Variants in MEI4 observed in about 807,000 individuals in gnomAD.
MEI4 encodes the protein meiosis-specific protein MEI4.
A neutral mutation model predicts 31.4 loss-of-function variants in MEI4; 27 were observed. That is an observed-to-expected ratio of 0.86 (90% CI 0.63 to 1.19). MEI4 has a LOEUF of 1.19. Ranked by LOEUF, MEI4 falls within the 50% of genes most tolerant of loss-of-function variation. The pLI is 0.00. For synonymous variants in MEI4, 122 were observed against 145.4 expected (o/e 0.84, Z 1.16); for missense variants, 329 against 398.9 (o/e 0.82, Z 1.49).
Position 77,692,184 on chromosome 6 carries a change from G to C in MEI4, c.232+1281G>C, listed in dbSNP as rs115449855. On this transcript the variant is annotated intron_variant, in intron 2 of 4. Coordinates refer to ENST00000684080, the MANE Select transcript of MEI4 (RefSeq NM_001322247.2). Reference sequence around the variant, plus strand: ...TTCTTCTCTTTGACTCTTTGAGGCTGGTTTCTTCTCTTCCTTTGGTCTTAT... The same window carrying C: ...TTCTTCTCTTTGACTCTTTGAGGCTCGTTTCTTCTCTTCCTTTGGTCTTAT... Among the ~76,000 whole-genome samples, 1,050 of 152,010 alleles carry C rather than the reference G, an allele frequency of 6.9e-3. 13 individuals carry two copies. The highest frequency in any genetic ancestry group is 0.024 in the African/African-American group (990 of 41,456).
At chr6:77,818,693 C>A (rs1482122129) in intron 3 of MEI4, among the ~76,000 whole-genome samples, 1 of 151,912 alleles carries the variant, frequency 6.6e-6, no homozygotes, top group Non-Finnish European at 1.5e-5. Context: ...CCTAATTTTA[C>A]CTATTCGTAC....
chr6:77,759,411 A>G (rs1767994961), intron 2 of MEI4, among the ~76,000 whole-genome samples: 1 of 152,172 alleles, frequency 6.6e-6, no homozygotes, highest in South Asian at 2.1e-4. Flanking sequence ...TTTTCAGTCT[A>G]GACCTTCTCC....
intron 4 of MEI4, among the ~76,000 whole-genome samples, chr6:77,912,218 G>A (rs747935482): frequency 1.3e-5 from 2 of 151,896 alleles, no homozygotes; most frequent in African/African-American, 2.4e-5. Flanking sequence ...ATATTGTTTT[G>A]ATTACTTAAT....
chr6:77,662,187 G>C (rs1035497330), intron 1 of MEI4, among the ~76,000 whole-genome samples: 1 of 152,192 alleles, frequency 6.6e-6, no homozygotes, highest in Non-Finnish European at 1.5e-5. Context: ...AGTTCGGCTT[G>C]CTGAGAGGTA....
At chr6:77,752,136 T>C (rs184838530) in intron 2 of MEI4, among the ~76,000 whole-genome samples, 18 of 152,270 alleles carry the variant, frequency 1.2e-4, no homozygotes, top group Admixed American at 2.0e-4. Context: ...ATAAGAGCTA[T>C]TTATGACAAA....
intron 4 of MEI4, among the ~76,000 whole-genome samples, chr6:77,921,594 C>T (rs1239223280): frequency 6.6e-6 from 1 of 151,832 alleles, no homozygotes; most frequent in Admixed American, 6.6e-5. Flanking sequence ...TTTGGCCTGT[C>T]TCAGATTTTG....
At chr6:77,751,136 A>G (rs923461784) in intron 2 of MEI4, among the ~76,000 whole-genome samples, 1 of 152,230 alleles carries the variant, frequency 6.6e-6, no homozygotes, top group Non-Finnish European at 1.5e-5. Context: ...AGAGAAATGT[A>G]TAGCACTAAA....
chr6:77,854,331 A>AG (rs1770698158), intron 4 of MEI4, among the ~76,000 whole-genome samples: 1 of 45,980 alleles, frequency 2.2e-5, no homozygotes, highest in Non-Finnish European at 3.6e-5. Context: ...TTTTTCTTAA[A>AG]AAAAACAAAA....
chr6:77,913,863 C>T (rs549398772), intron 4 of MEI4, among the ~76,000 whole-genome samples: 1 of 151,526 alleles, frequency 6.6e-6, no homozygotes, highest in South Asian at 2.1e-4. Context: ...GAAACCCCGT[C>T]TCTACTAAAA....
chr6:77,883,269 G>A (rs1244802472), intron 4 of MEI4, among the ~76,000 whole-genome samples: 1 of 151,924 alleles, frequency 6.6e-6, no homozygotes, highest in Non-Finnish European at 1.5e-5. Flanking sequence ...TTTAGGATAT[G>A]CCTCATCTCA....
intron 3 of MEI4, among the ~76,000 whole-genome samples, chr6:77,818,319 CT>C (rs1022623976): frequency 5.9e-5 from 9 of 151,962 alleles, no homozygotes; most frequent in African/African-American, 2.2e-4. Flanking sequence ...TTTTGCATAT[CT>C]TTTTATAAGG....
chr6:77,850,658 T>C (rs1770594978), intron 4 of MEI4, among the ~76,000 whole-genome samples: 1 of 152,208 alleles, frequency 6.6e-6, no homozygotes, highest in Non-Finnish European at 1.5e-5. Flanking sequence ...AATATTTAAA[T>C]GTTAGATCTA....
At chr6:77,747,131 GTGAAAC>G (rs1236224340) in intron 2 of MEI4, among the ~76,000 whole-genome samples, 1 of 152,086 alleles carries the variant, frequency 6.6e-6, no homozygotes, top group East Asian at 1.9e-4. Flanking sequence ...GACTAACATG[GTGAAAC>G]CTCATCTCTA....
At chr6:77,896,984 G>A (rs1413113068) in intron 4 of MEI4, among the ~76,000 whole-genome samples, 1 of 151,980 alleles carries the variant, frequency 6.6e-6, no homozygotes. Flanking sequence ...TTACTTGAAC[G>A]TGTATACTCC....
intron 2 of MEI4, among the ~76,000 whole-genome samples, chr6:77,691,885 CAT>C (rs775170325): frequency 1.3e-5 from 2 of 150,848 alleles, no homozygotes; most frequent in Non-Finnish European, 2.9e-5. Context: ...GATTGACACT[CAT>C]GATTGGGAAA....
At chr6:77,799,437 G>T (rs1308203991) in intron 3 of MEI4, among the ~76,000 whole-genome samples, 1 of 152,036 alleles carries the variant, frequency 6.6e-6, no homozygotes, top group East Asian at 1.9e-4. Context: ...CTCCCATTTT[G>T]TAGGTTGCCT....
At chr6:77,729,577 C>A (rs1336027738) in intron 2 of MEI4, among the ~76,000 whole-genome samples, 3 of 152,112 alleles carry the variant, frequency 2.0e-5, no homozygotes, top group African/African-American at 7.2e-5. Context: ...ACAAGTCCAG[C>A]AAGAAACAGG....
intron 1 of MEI4, among the ~76,000 whole-genome samples, chr6:77,671,103 G>A (rs1768731277): frequency 6.8e-6 from 1 of 147,850 alleles, no homozygotes; most frequent in South Asian, 2.2e-4. Context: ...TGTCACCCAG[G>A]CTGGAGTGCA....
rs1365848690 is a variant in MEI4, at chr6:77,926,428, G to A, written c.*3082G>A. On this transcript the variant is annotated 3_prime_UTR_variant, in exon 5 of 5. Coordinates refer to ENST00000684080, the MANE Select transcript of MEI4 (RefSeq NM_001322247.2). Reference sequence around the variant, plus strand: ...CCAGAGGTGTTTAGGTAGACTGTGAGGCTGTAATGATAAGCAAAATGGGGA... The same window carrying A: ...CCAGAGGTGTTTAGGTAGACTGTGAAGCTGTAATGATAAGCAAAATGGGGA... 2 of 151,896 alleles carry A rather than the reference G, an allele frequency of 1.3e-5. No homozygotes were observed. Among genetic ancestry groups the A allele is most frequent in the Non-Finnish European group, 2.9e-5 (2 of 67,930 alleles). 9.4% of individuals were successfully genotyped at this position (151,896 alleles called of 1,614,324 possible). A position where few individuals can be genotyped will look rare whatever the true frequency, so the allele number is the denominator to read the frequency against.
Sources: gnomAD v4.1 joint callset for allele counts (sites outside exome capture counted in the v4.1 genomes callset) on GRCh38, gnomAD v4.1.1 for gene constraint, MANE v1.5 for transcripts, NCBI Gene and HGNC (gene_info 2026-07-23, HGNC 2026-07-21) for gene names.